The following PRIM2 variants were observed in gnomAD, a reference collection of about 807,000 sequenced individuals.
PRIM2 encodes the protein DNA primase large subunit.
A neutral mutation model predicts 67.3 loss-of-function variants in PRIM2; 39 were observed. The ratio of observed to expected loss-of-function variants is 0.58; its 90% CI spans 0.45 to 0.76. PRIM2 has a LOEUF of 0.76. Ranked by LOEUF, PRIM2 falls within the 30% of genes least tolerant of loss-of-function variation. The pLI is 0.00. For synonymous variants in PRIM2, 143 were observed against 198.7 expected, an observed-to-expected ratio of 0.72 and a Z score of 2.36; for missense variants, 398 against 598.7, an observed-to-expected ratio of 0.66 and a Z score of 3.50.
the PRIM2 span, among the ~76,000 whole-genome samples, chr6:57,272,568 G>GAC: frequency 6.6e-6 from 1 of 152,166 alleles, no homozygotes; most frequent in Non-Finnish European, 1.5e-5. Context: ...GATGGTTCTT[G>GAC]ACTCTTTATC....
At position 57,361,269 on chromosome 6, in the gene PRIM2, C is replaced by T. The variant is rs1769191447; in HGVS notation, c.460-18632C>T. 1.3e-5 allele frequency among the ~76,000 whole-genome samples: 2 copies of T among 152,118 alleles called. 1 individual carries two copies. The highest frequency in any genetic ancestry group is 4.1e-4 in the South Asian group (2 of 4,826). On this transcript the variant is annotated intron_variant, in intron 5 of 13. Coordinates refer to ENST00000615550, the MANE Select transcript of PRIM2 (RefSeq NM_000947.5). ...TACAGCACTTATAAACTGGATGTGC[C>T]TTCTGAGGATACTATCCTTTCTGAG...
At chr6:57,367,373 CT>C (rs1380744688) in intron 5 of PRIM2, among the ~76,000 whole-genome samples, 4 of 151,978 alleles carry the variant, frequency 2.6e-5, no homozygotes, top group Non-Finnish European at 5.9e-5. Context: ...GAAGAAAGTA[CT>C]TTGTAAGAAC....
At chr6:57,288,251 T>G in the PRIM2 span, among the ~76,000 whole-genome samples, 1 of 152,188 alleles carries the variant, frequency 6.6e-6, no homozygotes, top group Non-Finnish European at 1.5e-5. Flanking sequence ...GAGGCTTGAA[T>G]AGGCGGTTTG....
At chr6:57,484,432 C>A (rs1263009432) in intron 7 of PRIM2, among the ~76,000 whole-genome samples, 1 of 152,106 alleles carries the variant, frequency 6.6e-6, no homozygotes, top group Non-Finnish European at 1.5e-5. Context: ...CAACTGAACT[C>A]AGTTTGCTTG....
chr6:57,476,947 A>G (rs1773492313), intron 7 of PRIM2, among the ~76,000 whole-genome samples: 1 of 152,050 alleles, frequency 6.6e-6, no homozygotes, highest in African/African-American at 2.4e-5. Context: ...AATAAACTGT[A>G]AGAAACCAAA....
chr6:57,351,024 G>T (rs1768840819), intron 5 of PRIM2, among the ~76,000 whole-genome samples: 1 of 150,274 alleles, frequency 6.7e-6, no homozygotes, highest in Non-Finnish European at 1.5e-5. Flanking sequence ...GGATCAGGGT[G>T]ACATGTTATA....
At chr6:57,269,481 G>A in the PRIM2 span, among the ~76,000 whole-genome samples, 12,399 of 151,994 alleles carry the variant, frequency 0.082, 726 homozygotes, top group East Asian at 0.18. Context: ...TGATGGGATT[G>A]TTTTTTTCTT....
the PRIM2 span, among the ~76,000 whole-genome samples, chr6:57,236,918 T>G: frequency 6.6e-6 from 1 of 152,094 alleles, no homozygotes; most frequent in East Asian, 1.9e-4. Flanking sequence ...TATAATCCTT[T>G]GGGTAAATAC....
At chr6:57,641,869 A>G (rs1238292512) in intron 13 of PRIM2, among the ~76,000 whole-genome samples, 2 of 152,234 alleles carry the variant, frequency 1.3e-5, no homozygotes, top group African/African-American at 4.8e-5. Flanking sequence ...TGACCCAGCA[A>G]TCCCATTACT....
At chr6:57,396,387 T>G (rs946341335) in intron 7 of PRIM2, among the ~76,000 whole-genome samples, 6 of 152,224 alleles carry the variant, frequency 3.9e-5, no homozygotes, top group African/African-American at 7.2e-5. Flanking sequence ...GGACAAGGCC[T>G]TTTACCATTC....
chr6:57,619,551 AATAG>A (rs1390613192), intron 12 of PRIM2, among the ~76,000 whole-genome samples: 1 of 152,186 alleles, frequency 6.6e-6, no homozygotes, highest in Non-Finnish European at 1.5e-5. Flanking sequence ...GATTCAATGA[AATAG>A]ATAGCTAAAA....
intron 5 of PRIM2, among the ~76,000 whole-genome samples, chr6:57,346,127 T>G (rs943084013): frequency 1.3e-5 from 2 of 152,132 alleles, no homozygotes; most frequent in Non-Finnish European, 2.9e-5. Flanking sequence ...TCATAGCCAG[T>G]CTTGCTGACC....
chr6:57,503,327 G>T (rs1358082786), intron 7 of PRIM2, among the ~76,000 whole-genome samples: 2 of 152,202 alleles, frequency 1.3e-5, no homozygotes, highest in Non-Finnish European at 2.9e-5. Flanking sequence ...AAGAGTTAGG[G>T]AATACCTACT....
At chr6:57,449,813 AT>A (rs1772481847) in intron 7 of PRIM2, among the ~76,000 whole-genome samples, 1 of 152,154 alleles carries the variant, frequency 6.6e-6, no homozygotes, top group South Asian at 2.1e-4. Flanking sequence ...TCCAAGTATG[AT>A]CAGTGAATAG....
intron 10 of PRIM2, among the ~76,000 whole-genome samples, chr6:57,593,763 A>C (rs1248561986): frequency 6.6e-6 from 1 of 152,260 alleles, no homozygotes; most frequent in Non-Finnish European, 1.5e-5. Flanking sequence ...TGGTAAATAC[A>C]TGGATAGTTT....
At chr6:57,414,730 G>A (rs7766848) in intron 7 of PRIM2, among the ~76,000 whole-genome samples, 3 of 152,052 alleles carry the variant, frequency 2.0e-5, no homozygotes, top group Admixed American at 2.0e-4. Context: ...GGACTGTTAT[G>A]TATTGGATAT....
In PRIM2 at chr6:57,536,225, T is replaced by A. The variant is rs1581975904; in HGVS notation, c.835-1215T>A. 2.6e-5 allele frequency among the ~76,000 whole-genome samples: 4 copies of A among 152,202 alleles called. No individual in the cohort carries two copies. The East Asian group carries it at 7.7e-4, about 29-fold the overall frequency. ...TTTCTTATAGATGAAGTGAACTTGCTAAGGCATATGTGAGGGAGTAAGAAT... is the reference window on the plus strand; with the variant it reads ...TTTCTTATAGATGAAGTGAACTTGCAAAGGCATATGTGAGGGAGTAAGAAT... On this transcript the variant is annotated intron_variant, in intron 9 of 13. Coordinates refer to ENST00000615550, the MANE Select transcript of PRIM2 (RefSeq NM_000947.5).
the PRIM2 span, among the ~76,000 whole-genome samples, chr6:57,253,895 T>C: frequency 6.6e-6 from 1 of 152,210 alleles, no homozygotes; most frequent in African/African-American, 2.4e-5. Flanking sequence ...ATGCTCCTTC[T>C]AGTTTTTGGC....
intron 7 of PRIM2, among the ~76,000 whole-genome samples, chr6:57,451,244 A>G (rs1228535098): frequency 6.6e-6 from 1 of 152,070 alleles, no homozygotes; most frequent in Non-Finnish European, 1.5e-5. Flanking sequence ...GGGTTCAAGC[A>G]ATTCTCCTGC....
Sources: allele counts gnomAD v4.1 joint callset (sites outside exome capture counted in the v4.1 genomes callset), GRCh38; gene constraint gnomAD v4.1.1; transcripts MANE v1.5; gene names NCBI Gene and HGNC (gene_info 2026-07-23, HGNC 2026-07-21).